The following IL1RAPL1 variants were observed in gnomAD, a reference collection of about 807,000 sequenced individuals.
IL1RAPL1 encodes the protein interleukin 1 receptor accessory protein like 1, also known as interleukin-1 receptor accessory protein-like 1.
IL1RAPL1 carries 3 observed loss-of-function variants against 48.4 expected under a neutral mutation model. The ratio of observed to expected loss-of-function variants is 0.06; its 90% CI spans 0.03 to 0.16. IL1RAPL1 has a LOEUF of 0.16. IL1RAPL1 is among the 10% of genes least tolerant of loss of function. The pLI is 1.00. For synonymous variants in IL1RAPL1, 185 were observed against 187.7 expected (o/e 0.99, Z 0.12); for missense variants, 349 against 530.6 (o/e 0.66, Z 3.36).
chrX:29,397,631 C>T (rs1199144312), intron 4 of IL1RAPL1, among the ~76,000 whole-genome samples: 1 of 110,420 alleles, frequency 9.1e-6, no homozygotes, highest in East Asian at 2.8e-4. Context: ...TATCCTTAAC[C>T]ACCCTCACAT....
chrX:29,459,404 G>C (rs927008704), intron 5 of IL1RAPL1, among the ~76,000 whole-genome samples: 2 of 111,563 alleles, frequency 1.8e-5, no homozygotes, highest in African/African-American at 6.5e-5. Flanking sequence ...GGCAATTATA[G>C]ACCATTAAAT....
At position 29,955,931 on chromosome X, in the gene IL1RAPL1, A is replaced by G. The variant is rs189952046; in HGVS notation, c.*111A>G. 2.8e-3 allele frequency: 1,738 copies of G among 613,672 alleles called. 4 individuals are homozygous for G. Among genetic ancestry groups the G allele is most frequent in the Middle Eastern group, 0.017 (35 of 2,093 alleles). 50.6% of individuals were successfully genotyped at this position (613,672 alleles called of 1,213,427 possible). A position where few individuals can be genotyped will look rare whatever the true frequency, so the allele number is the denominator to read the frequency against. On this transcript the variant is annotated 3_prime_UTR_variant, in exon 11 of 11. Transcript: ENST00000378993. ...TTAAAAAACATGCATTAGAATCTCTAGAACACGAGGAAAAACAGGGTCTTG... is the reference window on the plus strand; with the variant it reads ...TTAAAAAACATGCATTAGAATCTCTGGAACACGAGGAAAAACAGGGTCTTG...
intron 1 of IL1RAPL1, among the ~76,000 whole-genome samples, chrX:28,613,965 C>A (rs964743391): frequency 9.0e-6 from 1 of 111,672 alleles, no homozygotes; most frequent in African/African-American, 3.3e-5. Context: ...AGCTCCCAAA[C>A]TTTGAGCTGC....
At chrX:29,275,187 A>G (rs941806413) in intron 2 of IL1RAPL1, among the ~76,000 whole-genome samples, 40 of 111,949 alleles carry the variant, frequency 3.6e-4, no homozygotes, top group African/African-American at 1.3e-3. Context: ...CCTGCTTTGT[A>G]GTAACTACTT....
intron 6 of IL1RAPL1, among the ~76,000 whole-genome samples, chrX:29,752,082 A>G (rs200420671): frequency 0.1 from 9,453 of 91,311 alleles, 788 homozygotes; most frequent in African/African-American, 0.27. Context: ...GTGTGTATGT[A>G]TATATATATA....
chrX:29,802,915 G>GTACATATGTA lies in IL1RAPL1; in HGVS notation c.779-114542_779-114541insGTATACATAT, dbSNP rs1555922206. Among the ~76,000 whole-genome samples, 257 of 48,190 alleles carry GTACATATGTA rather than the reference G, an allele frequency of 5.3e-3. 11 individuals carry two copies. Among genetic ancestry groups the GTACATATGTA allele is most frequent in the African/African-American group, 0.019 (245 of 12,663 alleles). The allele number at this position is 48,190 out of a possible 115,157, so 41.8% of individuals were successfully genotyped here. On this transcript the variant is annotated intron_variant, in intron 6 of 10. Transcript: ENST00000378993. ...TATACATATATATGTGTATATATGT[G>GTACATATGTA]TACATATATACATATATGTGTACAT...
chrX:29,460,984 A>G (rs1934796243), intron 5 of IL1RAPL1, among the ~76,000 whole-genome samples: 1 of 111,936 alleles, frequency 8.9e-6, no homozygotes, highest in Non-Finnish European at 1.9e-5. Context: ...TATTATTAAG[A>G]CAACCTAAAA....
At chrX:28,763,516 T>C (rs950571284) in intron 1 of IL1RAPL1, among the ~76,000 whole-genome samples, 1 of 111,852 alleles carries the variant, frequency 8.9e-6, no homozygotes, top group Non-Finnish European at 1.9e-5. Flanking sequence ...AATTCAATTA[T>C]GTTGAATCAG....
rs760624912 is a variant in IL1RAPL1, at chrX:28,896,664, G to A, written c.82+107239G>A. On this transcript the variant is annotated intron_variant, in intron 2 of 10. Coordinates refer to ENST00000378993, the MANE Select transcript of IL1RAPL1 (RefSeq NM_014271.4). Reference sequence around the variant, plus strand: ...CTGAGGAAGAATTGGGACCTGGCTCGGCCTGGCGAGGAGCAGCCTGGGGAG... The same window carrying A: ...CTGAGGAAGAATTGGGACCTGGCTCAGCCTGGCGAGGAGCAGCCTGGGGAG... Among the ~76,000 whole-genome samples, 7 of 110,516 alleles carry A rather than the reference G, an allele frequency of 6.3e-5. No individual in the cohort carries two copies. The South Asian group carries it at 1.6e-3, about 25-fold the overall frequency.
chrX:28,931,935 G>A (rs1032909085), intron 2 of IL1RAPL1, among the ~76,000 whole-genome samples: 25 of 108,705 alleles, frequency 2.3e-4, no homozygotes, highest in African/African-American at 7.7e-4. Context: ...CCAGCTACTG[G>A]GGAGGCTGAG....
At chrX:29,555,288 A>G (rs1367879019) in intron 5 of IL1RAPL1, among the ~76,000 whole-genome samples, 7 of 112,579 alleles carry the variant, frequency 6.2e-5, no homozygotes, top group Non-Finnish European at 1.9e-5. Flanking sequence ...ACCTACAGAG[A>G]TATTTGGGTA....
rs984163816 is a variant in IL1RAPL1, at chrX:28,834,456, A to G, written c.82+45031A>G. 2.3e-4 allele frequency among the ~76,000 whole-genome samples: 26 copies of G among 110,871 alleles called. 1 individual carries two copies. The highest frequency in any genetic ancestry group is 5.7e-5 in the Non-Finnish European group (3 of 52,833). On this transcript the variant is annotated intron_variant, in intron 2 of 10. Coordinates refer to ENST00000378993, the MANE Select transcript of IL1RAPL1 (RefSeq NM_014271.4). The stretch of plus-strand genomic sequence containing the variant: ...TTTGGGACTATTATGAAGAACATTC[A>G]GGCTATGATTTTTCAAAAGGGGCAT...
At chrX:28,878,459 C>T (rs750450045) in intron 2 of IL1RAPL1, among the ~76,000 whole-genome samples, 4 of 111,857 alleles carry the variant, frequency 3.6e-5, no homozygotes, top group African/African-American at 6.5e-5. Context: ...CCGACTCAGG[C>T]GGTGTGCATG....
At chrX:29,124,860 T>C (rs1928868316) in intron 2 of IL1RAPL1, among the ~76,000 whole-genome samples, 1 of 112,184 alleles carries the variant, frequency 8.9e-6, no homozygotes, top group Admixed American at 9.5e-5. Context: ...ATAGGATAAA[T>C]TGCTCACAAA....
At chrX:29,558,804 T>G (rs981176370) in intron 5 of IL1RAPL1, among the ~76,000 whole-genome samples, 2 of 111,753 alleles carry the variant, frequency 1.8e-5, no homozygotes, top group Non-Finnish European at 1.9e-5. Context: ...CTTTCCCCAT[T>G]GTTTCTTAGC....
chrX:29,346,665 C>T (rs1933153709), intron 3 of IL1RAPL1, among the ~76,000 whole-genome samples: 1 of 112,038 alleles, frequency 8.9e-6, no homozygotes, highest in African/African-American at 3.2e-5. Flanking sequence ...AAATAATTTC[C>T]ACGAGGAAAG....
intron 6 of IL1RAPL1, among the ~76,000 whole-genome samples, chrX:29,719,602 T>C (rs1437291216): frequency 9.1e-5 from 10 of 110,321 alleles, no homozygotes; most frequent in Non-Finnish European, 1.7e-4. Flanking sequence ...TATTGATGCT[T>C]GGGTTTTGCA....
At chrX:29,657,188 A>G (rs1925709100) in intron 5 of IL1RAPL1, among the ~76,000 whole-genome samples, 1 of 111,839 alleles carries the variant, frequency 8.9e-6, no homozygotes, top group African/African-American at 3.3e-5. Context: ...AAATATAGGT[A>G]ATAAAACCAC....
At chrX:28,889,829 C>G (rs1335382276) in intron 2 of IL1RAPL1, among the ~76,000 whole-genome samples, 1 of 110,567 alleles carries the variant, frequency 9.0e-6, no homozygotes, top group Non-Finnish European at 1.9e-5. Context: ...TTTTCTTAGG[C>G]TAGACACTTT....
Sources: gnomAD v4.1 joint callset for allele counts (sites outside exome capture counted in the v4.1 genomes callset) on GRCh38, gnomAD v4.1.1 for gene constraint, MANE v1.5 for transcripts, NCBI Gene and HGNC (gene_info 2026-07-23, HGNC 2026-07-21) for gene names.